FAT4: variants seen among roughly 807,000 people sequenced by gnomAD.
FAT4 encodes protocadherin Fat 4.
Under a neutral mutation model 303.9 loss-of-function variants are expected in FAT4, and 84 were observed. The observed-to-expected ratio is 0.28, with a 90% confidence interval of 0.23 to 0.33. The LOEUF is 0.33. Among genes scored for constraint, FAT4 ranks in the 10% least tolerant of loss-of-function variants. FAT4 has a pLI of 1.00. For synonymous variants in FAT4, 2,307 were observed against 2,298.8 expected (o/e 1.00, Z -0.10); for missense variants, 6,005 against 6,146.8 (o/e 0.98, Z 0.77).
At chr4:125,411,318 C>T (rs1033133194) in intron 5 of FAT4, among the ~76,000 whole-genome samples, 2 of 151,966 alleles carry the variant, frequency 1.3e-5, no homozygotes, top group Non-Finnish European at 2.9e-5. Context: ...GACTACTAAG[C>T]ATGCGGTATT....
intron 11 of FAT4, among the ~76,000 whole-genome samples, chr4:125,464,780 T>G (rs1275309869): frequency 6.6e-6 from 1 of 152,176 alleles, no homozygotes; most frequent in Non-Finnish European, 1.5e-5. Flanking sequence ...TGGTTTTTTG[T>G]CCTTGCGATA....
At chr4:125,478,609 G>A (rs1000079196) in intron 14 of FAT4, among the ~76,000 whole-genome samples, 2 of 152,078 alleles carry the variant, frequency 1.3e-5, no homozygotes, top group African/African-American at 4.8e-5. Flanking sequence ...TCGGCCCCCT[G>A]CAACCTCCAC....
intron 2 of FAT4, among the ~76,000 whole-genome samples, chr4:125,390,479 T>C (rs1393486897): frequency 6.6e-6 from 1 of 152,228 alleles, no homozygotes; most frequent in African/African-American, 2.4e-5. Context: ...GCTTTCAATT[T>C]CAACTCCTCA....
rs201637012 is a variant in FAT4, at chr4:125,320,974, C to T, written c.4563C>T (p.Asp1521=). The change falls in exon 2 of 18, where the codon GAC becomes GAT. Residue 1521 remains aspartate, a synonymous_variant. Transcript: ENST00000394329. ...ALKNVTILVT[D]LNDNVPMFIS... ...AGAACGTGACCATTTTGGTTACAGACCTCAATGACAATGTCCCAATGTTTA... is the reference window on the plus strand; with the variant it reads ...AGAACGTGACCATTTTGGTTACAGATCTCAATGACAATGTCCCAATGTTTA... 66 of 1,614,040 alleles carry T rather than the reference C, an allele frequency of 4.1e-5. No individual in the cohort carries two copies. Among genetic ancestry groups the T allele is most frequent in the Non-Finnish European group, 5.2e-5 (61 of 1,180,022 alleles).
chr4:125,386,348 G>C (rs1270082015), intron 2 of FAT4, among the ~76,000 whole-genome samples: 3 of 152,120 alleles, frequency 2.0e-5, no homozygotes, highest in Non-Finnish European at 2.9e-5. Context: ...CACCATCTCG[G>C]CTTACTGCAA....
chr4:125,319,466 C>T lies in FAT4; in HGVS notation c.3055C>T (p.Gln1019Ter). 1.2e-6 allele frequency: 2 copies of T among 1,613,284 alleles called. No individual in the cohort carries two copies. Among genetic ancestry groups the T allele is most frequent in the Non-Finnish European group, 1.7e-6 (2 of 1,179,294 alleles). Residue 1019 changes from glutamine to a stop codon, truncating the protein, a stop_gained, in exon 2 of 18, where the codon CAA (glutamine) becomes TAA (stop). Transcript: ENST00000394329. LOFTEE classifies it high-confidence loss of function. ...TGTGAATTCTCGATTCTTTAAAGTA[C>T]AAGCTTCTGATAAGGATTCAGGAGC... ...EPVNSRFFKV[Q>*]ASDKDSGANG...
intron 11 of FAT4, among the ~76,000 whole-genome samples, chr4:125,464,587 T>C (rs960455994): frequency 2.0e-5 from 3 of 152,134 alleles, no homozygotes; most frequent in African/African-American, 7.2e-5. Context: ...GTTACATATG[T>C]ATACATGTGC....
chr4:125,316,967 C>G lies in FAT4; in HGVS notation c.556C>G (p.Arg186Gly), dbSNP rs577129552. 8 of 1,613,832 alleles carry G rather than the reference C, an allele frequency of 5.0e-6. No homozygotes were observed. The South Asian group carries it at 5.5e-5, about 11-fold the overall frequency. ...CCGCGGCAATGAGGCGGGGCGCTTC[C>G]GTCTGGACATCACCCTGAACCCGAG... ...IIRGNEAGRF[R>G]LDITLNPSGE... The change falls in exon 2 of 18, where the codon CGT (arginine) becomes GGT (glycine). Residue 186 changes from arginine to glycine, a missense_variant. Coordinates refer to ENST00000394329, the MANE Select transcript of FAT4 (RefSeq NM_001291303.3). The surrounding 1 kb of genome is among the most constrained non-coding windows in gnomAD (Gnocchi z 5.7).
intron 12 of FAT4, among the ~76,000 whole-genome samples, chr4:125,470,740 T>A (rs1726829259): frequency 6.6e-6 from 1 of 152,216 alleles, no homozygotes; most frequent in South Asian, 2.1e-4. Context: ...ACAGGTTTGA[T>A]CTTCTATCCA....
At chr4:125,415,863 A>G in intron 6 of FAT4, 57 bp downstream of exon 6, 1 of 1,309,824 alleles carries the variant, frequency 7.6e-7, no homozygotes, top group Middle Eastern at 2.0e-4. Context: ...CTATTTGAAA[A>G]CCTCCCCTCT....
intron 10 of FAT4, among the ~76,000 whole-genome samples, chr4:125,454,764 T>C (rs1001024080): frequency 6.6e-6 from 1 of 152,092 alleles, no homozygotes; most frequent in African/African-American, 2.4e-5. Context: ...ACCCGGGAGA[T>C]GGAGGTTGCA....
chr4:125,338,208 C>A (rs996891513), intron 2 of FAT4, among the ~76,000 whole-genome samples: 1 of 152,032 alleles, frequency 6.6e-6, no homozygotes, highest in South Asian at 2.1e-4. Context: ...TTCTGAAATG[C>A]AAGATGGACA....
intron 2 of FAT4, among the ~76,000 whole-genome samples, chr4:125,396,760 A>T (rs1734189488): frequency 6.6e-6 from 1 of 152,106 alleles, no homozygotes; most frequent in South Asian, 2.1e-4. Flanking sequence ...CTATGAATCT[A>T]AAAGTTCAGA....
chr4:125,377,019 C>T (rs781393562), intron 2 of FAT4, among the ~76,000 whole-genome samples: 6 of 152,126 alleles, frequency 3.9e-5, no homozygotes, highest in Admixed American at 6.5e-5. Flanking sequence ...TTTCTCTTAT[C>T]ATAAGGGAAG....
intron 3 of FAT4, among the ~76,000 whole-genome samples, chr4:125,401,789 G>A (rs1176328368): frequency 6.6e-6 from 1 of 151,594 alleles, no homozygotes; most frequent in Admixed American, 6.6e-5. Flanking sequence ...TTGCTTCGTG[G>A]TACCATACAT....
At chr4:125,419,667 T>C (rs1210998572) in intron 7 of FAT4, among the ~76,000 whole-genome samples, 1 of 152,202 alleles carries the variant, frequency 6.6e-6, no homozygotes, top group African/African-American at 2.4e-5. Context: ...ACTTGGTCTC[T>C]GTCCATTTAT....
chr4:125,449,118 G>A lies in FAT4; in HGVS notation c.8108G>A (p.Gly2703Glu). Residue 2703 changes from glycine (G) to glutamate (E), a missense_variant, in exon 10 of 18, where the codon GGA (glycine) becomes GAA (glutamate). By Grantham distance (98) the Gly-to-Glu change is moderately conservative. Coordinates refer to ENST00000394329, the MANE Select transcript of FAT4 (RefSeq NM_001291303.3). ...SAMDKDSGPN[G>E]QLDYEIVNGN... ...ATGGACAAGGACAGTGGACCCAATGGACAGTTAGATTATGAAATTGTTAAT... is the reference window on the plus strand; with the variant it reads ...ATGGACAAGGACAGTGGACCCAATGAACAGTTAGATTATGAAATTGTTAAT... 6.2e-7 allele frequency: 1 copy of A among 1,613,954 alleles called. No individual in the cohort carries two copies.
At chr4:125,486,207 T>C (rs1727406939) in intron 16 of FAT4, among the ~76,000 whole-genome samples, 2 of 151,632 alleles carry the variant, frequency 1.3e-5, no homozygotes, top group African/African-American at 4.8e-5. Context: ...TTACTGTGTG[T>C]CATGAGATGT....
chr4:125,455,791 C>T (rs1046109325), intron 10 of FAT4, among the ~76,000 whole-genome samples: 9 of 152,120 alleles, frequency 5.9e-5, no homozygotes, highest in African/African-American at 2.2e-4. Flanking sequence ...AATACTTAAT[C>T]CTCACAGAAA....
Sources: gnomAD v4.1 joint callset for allele counts (sites outside exome capture counted in the v4.1 genomes callset) on GRCh38, gnomAD v4.1.1 for gene constraint, Gnocchi (gnomAD v3.1) non-coding constraint, MANE v1.5 for transcripts, NCBI Gene and HGNC (gene_info 2026-07-23, HGNC 2026-07-21) for gene names.